Variants in RAP1GDS1 observed in about 807,000 individuals in gnomAD.
RAP1GDS1 encodes Rap1 GTPase-GDP dissociation stimulator 1.
In RAP1GDS1, 35 loss-of-function variants were observed where a neutral mutation model predicts 71.1. The ratio of observed to expected loss-of-function variants is 0.49; its 90% CI spans 0.38 to 0.65. RAP1GDS1 has a LOEUF of 0.65. RAP1GDS1 is among the 30% of genes least tolerant of loss of function. The pLI, the probability that RAP1GDS1 is intolerant of heterozygous loss-of-function variation, is 0.00. For synonymous variants in RAP1GDS1, 229 were observed against 243.1 expected, an observed-to-expected ratio of 0.94 and a Z score of 0.54; for missense variants, 663 against 706.1, an observed-to-expected ratio of 0.94 and a Z score of 0.69.
At chr4:98,331,150 G>A (rs1352463987) in intron 2 of RAP1GDS1, among the ~76,000 whole-genome samples, 1 of 152,194 alleles carries the variant, frequency 6.6e-6, no homozygotes, top group East Asian at 1.9e-4. Context: ...ACAAAAACCA[G>A]TCAGGCGTGG....
intron 1 of RAP1GDS1, among the ~76,000 whole-genome samples, chr4:98,274,677 T>G (rs546563496): frequency 1.3e-5 from 2 of 152,140 alleles, no homozygotes; most frequent in East Asian, 3.8e-4. Context: ...TGCTTATTAT[T>G]ATTTTATGGA....
intron 2 of RAP1GDS1, among the ~76,000 whole-genome samples, chr4:98,301,675 C>T (rs1261350839): frequency 6.6e-6 from 1 of 152,010 alleles, no homozygotes; most frequent in South Asian, 2.1e-4. Flanking sequence ...TAATAGCACA[C>T]AATGAAAATT....
intron 1 of RAP1GDS1, among the ~76,000 whole-genome samples, chr4:98,264,524 C>T (rs545251565): frequency 1.3e-5 from 2 of 152,266 alleles, no homozygotes; most frequent in South Asian, 4.1e-4. Context: ...ATTCAACATA[C>T]ATTTAGTGTT....
intron 4 of RAP1GDS1, among the ~76,000 whole-genome samples, chr4:98,358,143 G>C (rs1738211243): frequency 6.6e-6 from 1 of 151,924 alleles, no homozygotes; most frequent in Admixed American, 6.6e-5. Context: ...GAATATTTTA[G>C]TTCTTTAATC....
chr4:98,282,012 A>G (rs1209938363), intron 1 of RAP1GDS1, among the ~76,000 whole-genome samples: 1 of 152,210 alleles, frequency 6.6e-6, no homozygotes, highest in African/African-American at 2.4e-5. Flanking sequence ...TCGGTTTGCC[A>G]GTATTTTATT....
chr4:98,263,862 T>C lies in RAP1GDS1; in HGVS notation c.4+2293T>C, dbSNP rs116104076. Among the ~76,000 whole-genome samples, 1,415 of 152,356 alleles carry C rather than the reference T, an allele frequency of 9.3e-3. 23 individuals are homozygous for C. The highest frequency in any genetic ancestry group is 0.032 in the African/African-American group (1,343 of 41,584). On this transcript the variant is annotated intron_variant, in intron 1 of 14. Coordinates refer to ENST00000408927, the MANE Select transcript of RAP1GDS1 (RefSeq NM_001100427.2). ...TTGTACCATGCCTCCCAGTACACTG[T>C]AGGTTGGTTTTGAGTCAACCTCAGG...
chr4:98,441,183 A>G (rs1216620749), intron 14 of RAP1GDS1: 3 of 304,546 alleles, frequency 9.9e-6, no homozygotes, highest in Non-Finnish European at 1.4e-5. Flanking sequence ...ACACTGGTTC[A>G]TTGGTTTATG....
At chr4:98,318,750 G>A (rs534441505) in intron 2 of RAP1GDS1, among the ~76,000 whole-genome samples, 212 of 152,324 alleles carry the variant, frequency 1.4e-3, no homozygotes, top group African/African-American at 4.8e-3. Context: ...TGGGCAGGTA[G>A]CATATACAGC....
Position 98,291,066 on chromosome 4 carries a change from TCAAA to T in RAP1GDS1, c.5-2338_5-2335del, listed in dbSNP as rs909544043. Among the ~76,000 whole-genome samples the T allele has an allele frequency of 2.4e-4, 37 of 152,124 alleles. 1 individual carries two copies. The highest frequency in any genetic ancestry group is 2.1e-4 in the South Asian group (1 of 4,826). On this transcript the variant is annotated intron_variant, in intron 1 of 14. Transcript: ENST00000408927. ...AAAACTGTCTATTGCTACAGAGATA[TCAAA>T]CAAGAGGATTGAGAAAAATTCATTG...
chr4:98,323,667 A>G (rs1221872279), intron 2 of RAP1GDS1, among the ~76,000 whole-genome samples: 3 of 133,132 alleles, frequency 2.3e-5, no homozygotes, highest in Admixed American at 7.8e-5. Context: ...GCCAAAGACA[A>G]AAACCACATG....
chr4:98,439,516 A>C (rs574554313), intron 14 of RAP1GDS1, among the ~76,000 whole-genome samples: 1 of 152,008 alleles, frequency 6.6e-6, no homozygotes, highest in African/African-American at 2.4e-5. Flanking sequence ...GCCCCATTCT[A>C]TCCACTCTTT....
intron 2 of RAP1GDS1, among the ~76,000 whole-genome samples, chr4:98,323,036 A>C (rs150313571): frequency 2.6e-5 from 4 of 151,906 alleles, no homozygotes; most frequent in African/African-American, 9.7e-5. Flanking sequence ...AAGACTAATA[A>C]GGAAAAAAAG....
chr4:98,391,262 G>C (rs1743614577), intron 5 of RAP1GDS1, among the ~76,000 whole-genome samples: 1 of 152,034 alleles, frequency 6.6e-6, no homozygotes, highest in South Asian at 2.1e-4. Context: ...AAGCAATGAT[G>C]ACAAGGCCAT....
chr4:98,335,822 CTGT>C (rs1734643122), intron 2 of RAP1GDS1, among the ~76,000 whole-genome samples: 1 of 129,736 alleles, frequency 7.7e-6, no homozygotes, highest in Admixed American at 7.8e-5. Context: ...GTGTACCTTT[CTGT>C]TGTTTTATTT....
chr4:98,375,168 A>T (rs1740986018), intron 4 of RAP1GDS1, among the ~76,000 whole-genome samples: 1 of 152,070 alleles, frequency 6.6e-6, no homozygotes, highest in African/African-American at 2.4e-5. Flanking sequence ...GGGGAGGAGG[A>T]CATTTTTGCC....
intron 5 of RAP1GDS1, among the ~76,000 whole-genome samples, chr4:98,383,929 A>T (rs1742366194): frequency 6.6e-6 from 1 of 151,576 alleles, no homozygotes. Context: ...GATTTGCTTC[A>T]CATGAGTGAA....
chr4:98,302,128 T>G (rs1444911199), intron 2 of RAP1GDS1, among the ~76,000 whole-genome samples: 1 of 152,136 alleles, frequency 6.6e-6, no homozygotes, highest in East Asian at 1.9e-4. Context: ...ATAAAAACAT[T>G]TTAGCTATTA....
intron 6 of RAP1GDS1, among the ~76,000 whole-genome samples, chr4:98,403,514 A>G (rs1341776314): frequency 6.6e-6 from 1 of 152,170 alleles, no homozygotes; most frequent in Non-Finnish European, 1.5e-5. Flanking sequence ...CAGTATGTCA[A>G]AAGCCCCTTT....
intron 2 of RAP1GDS1, among the ~76,000 whole-genome samples, chr4:98,297,653 A>C (rs1250881271): frequency 1.3e-5 from 2 of 151,986 alleles, no homozygotes; most frequent in Non-Finnish European, 2.9e-5. Context: ...TGCCCCACCA[A>C]CTAGCTATGC....
Sources: allele counts gnomAD v4.1 joint callset (sites outside exome capture counted in the v4.1 genomes callset), GRCh38; gene constraint gnomAD v4.1.1; transcripts MANE v1.5; gene names NCBI Gene and HGNC (gene_info 2026-07-23, HGNC 2026-07-21).